MRM1: variants seen among roughly 807,000 people sequenced by gnomAD.
MRM1 encodes the protein rRNA methyltransferase 1, mitochondrial.
MRM1 carries 24 observed loss-of-function variants against 25.0 expected under a neutral mutation model. That is an observed-to-expected ratio of 0.96 (90% CI 0.69 to 1.35). MRM1 has a LOEUF of 1.35. MRM1 is among the 40% of genes most tolerant of loss of function. The probability of loss-of-function intolerance (pLI) is 0.00; values close to 1 mark genes in which losing one functional copy is unlikely to be tolerated. For missense variants in MRM1, 431 were observed against 464.1 expected (o/e 0.93, Z 0.65); for synonymous variants, 188 against 199.2 (o/e 0.94, Z 0.47).
chr17:36,602,369 T>C lies in MRM1; in HGVS notation c.542+17T>C. ...GAGAAACAGGCACGGACGTCCCTCATTCTCTATGTGCCCCAACTTGGAGAC... is the reference window on the plus strand; with the variant it reads ...GAGAAACAGGCACGGACGTCCCTCACTCTCTATGTGCCCCAACTTGGAGAC... On this transcript the variant is annotated intron_variant, in intron 1 of 4. Transcript: ENST00000614766. The surrounding 1 kb of genome is among the most constrained non-coding windows in gnomAD (Gnocchi z 4.1). 6.4e-7 allele frequency: 1 copy of C among 1,552,242 alleles called. No homozygotes were observed. Among genetic ancestry groups the C allele is most frequent in the Non-Finnish European group, 8.7e-7 (1 of 1,146,470 alleles).
Position 36,602,245 on chromosome 17 carries a change from G to A in MRM1, c.435G>A (p.Gln145=). The change falls in exon 1 of 5, where the codon CAG becomes CAA. Residue 145 remains glutamine (Q), a synonymous_variant. Transcript: ENST00000614766. The surrounding 1 kb of genome is among the most constrained non-coding windows in gnomAD (Gnocchi z 4.1). ...CGAGCCCAGGCGACGACCCCCAGCA[G>A]TTGTGGCTCGTCCTCGATGGGATCC... ...GEASPGDDPQ[Q]LWLVLDGIQD... is the part of the protein sequence containing the mutation. 6.2e-7 allele frequency: 1 copy of A among 1,609,174 alleles called. No individual in the cohort carries two copies. Among genetic ancestry groups the A allele is most frequent in the African/African-American group, 1.3e-5 (1 of 75,010 alleles).
At position 36,602,046 on chromosome 17, in the gene MRM1, C is replaced by G. The variant is rs778607954; in HGVS notation, c.236C>G (p.Ala79Gly). Residue 79 changes from alanine to glycine, a missense_variant, in exon 1 of 5, where the codon GCT becomes GGT. Ala to Gly is a moderately conservative substitution (Grantham distance 60). Transcript: ENST00000614766. This position sits in a 1 kb window ranked among gnomAD's most constrained non-coding sequence, Gnocchi z 4.1. ...VARLLLQAGK[A>G]GLQGKRAELL... The stretch of plus-strand genomic sequence containing the variant: ...CGGCTCCTGCTCCAGGCGGGTAAAG[C>G]TGGGCTGCAGGGGAAGCGGGCCGAG... The G allele has an allele frequency of 6.2e-7, 1 of 1,610,212 alleles. No homozygotes were observed. Among genetic ancestry groups the G allele is most frequent in the African/African-American group, 1.3e-5 (1 of 74,908 alleles).
the MRM1 span, among the ~76,000 whole-genome samples, chr17:36,619,695 T>C: frequency 1.3e-5 from 2 of 151,676 alleles, no homozygotes; most frequent in African/African-American, 2.4e-5. Context: ...CTGCCTTCAG[T>C]TCTTTCGAAT....
the MRM1 span, among the ~76,000 whole-genome samples, chr17:36,627,674 G>GTTTTCTTTTTTTTTTTTTTTTTTTTTTTT: frequency 1.2e-5 from 1 of 83,728 alleles, no homozygotes; most frequent in Non-Finnish European, 2.2e-5. Context: ...TTTGGACACT[G>GTTTTCTTTTTTTTTTTTTTTTTTTTTTTT]TTTTTTTTTT....
chr17:36,625,613 G>C, the MRM1 span, among the ~76,000 whole-genome samples: 1 of 151,238 alleles, frequency 6.6e-6, no homozygotes, highest in Admixed American at 6.6e-5. Context: ...AAGTGCCCAC[G>C]ACCACGCCTG....
At chr17:36,614,455 A>G in the MRM1 span, among the ~76,000 whole-genome samples, 1 of 152,112 alleles carries the variant, frequency 6.6e-6, no homozygotes, top group Non-Finnish European at 1.5e-5. Flanking sequence ...CCCTCTCCTG[A>G]GGGTCCTGGA....
chr17:36,606,466 G>GTGC (rs1041421679), intron 2 of MRM1, among the ~76,000 whole-genome samples: 2 of 150,234 alleles, frequency 1.3e-5, no homozygotes, highest in African/African-American at 2.5e-5. Flanking sequence ...CCAAGCAGGA[G>GTGC]TGCAGTGGCG....
the MRM1 span, among the ~76,000 whole-genome samples, chr17:36,623,430 T>G: frequency 3.9e-5 from 6 of 152,230 alleles, no homozygotes; most frequent in African/African-American, 7.2e-5. Flanking sequence ...AATATAGTTA[T>G]CAGCAGCAAC....
At chr17:36,609,328 A>C (rs540899757), downstream of MRM1, among the ~76,000 whole-genome samples, 1 of 152,284 alleles carries the variant, frequency 6.6e-6, no homozygotes, top group Non-Finnish European at 1.5e-5. Context: ...CAACACTGAC[A>C]CCAGAGAGTC....
At chr17:36,630,088 C>G in the MRM1 span, among the ~76,000 whole-genome samples, 1 of 152,224 alleles carries the variant, frequency 6.6e-6, no homozygotes, top group Admixed American at 6.5e-5. Context: ...CTAATCGTTT[C>G]TGCTTTCAGA....
the MRM1 span, among the ~76,000 whole-genome samples, chr17:36,616,398 G>T: frequency 6.6e-6 from 1 of 152,202 alleles, no homozygotes; most frequent in Admixed American, 6.5e-5. Flanking sequence ...GGAGCTAATT[G>T]AGGCTGAGGA....
At chr17:36,622,607 G>A in the MRM1 span, among the ~76,000 whole-genome samples, 1 of 152,096 alleles carries the variant, frequency 6.6e-6, no homozygotes, top group Non-Finnish European at 1.5e-5. Context: ...CTCATATGGG[G>A]GCATCATTTC....
the MRM1 span, among the ~76,000 whole-genome samples, chr17:36,633,851 C>T: frequency 1.5e-3 from 227 of 152,304 alleles, no homozygotes; most frequent in Non-Finnish European, 2.3e-3. Context: ...ATCTCTCTGC[C>T]TCTGATTCTC....
At chr17:36,611,051 G>A (rs768561432), downstream of MRM1, among the ~76,000 whole-genome samples, 1 of 152,188 alleles carries the variant, frequency 6.6e-6, no homozygotes, top group Non-Finnish European at 1.5e-5. Context: ...CTGACCTCAG[G>A]TGATCTGCCC....
At chr17:36,603,907 G>GACAC (rs1567846908) in intron 2 of MRM1, among the ~76,000 whole-genome samples, 3 of 151,944 alleles carry the variant, frequency 2.0e-5, no homozygotes, top group African/African-American at 7.3e-5. Flanking sequence ...AGGAGATGAG[G>GACAC]TTCCCACTCA....
chr17:36,626,124 C>A, the MRM1 span, among the ~76,000 whole-genome samples: 14 of 152,268 alleles, frequency 9.2e-5, no homozygotes, highest in East Asian at 2.5e-3. Context: ...CGTTTCCCCT[C>A]CCCGCCCCCG....
the MRM1 span, among the ~76,000 whole-genome samples, chr17:36,614,037 A>G: frequency 6.6e-6 from 1 of 152,108 alleles, no homozygotes; most frequent in East Asian, 1.9e-4. Flanking sequence ...TGCCCGGGAC[A>G]CAGTAGGTGT....
chr17:36,603,352 C>A, intron 2 of MRM1: 1 of 246,246 alleles, frequency 4.1e-6, no homozygotes, highest in Non-Finnish European at 6.5e-6. Flanking sequence ...AAATTGTGTC[C>A]AGTATATCCA....
At chr17:36,625,343 T>C in the MRM1 span, among the ~76,000 whole-genome samples, 845 of 64,896 alleles carry the variant, frequency 0.013, 2 homozygotes, top group Non-Finnish European at 0.019. Flanking sequence ...TCCTTCGCCT[T>C]CTTCTTCTTC....
Sources: allele counts gnomAD v4.1 joint callset (sites outside exome capture counted in the v4.1 genomes callset), GRCh38; gene constraint gnomAD v4.1.1; non-coding constraint Gnocchi (gnomAD v3.1); transcripts MANE v1.5; gene names NCBI Gene and HGNC (gene_info 2026-07-23, HGNC 2026-07-21).